The following PRKN variants were observed in gnomAD, a reference collection of about 807,000 sequenced individuals.
PRKN encodes parkin RBR E3 ubiquitin protein ligase, also known as E3 ubiquitin-protein ligase parkin.
PRKN carries 56 observed loss-of-function variants against 59.5 expected under a neutral mutation model. That is an observed-to-expected ratio of 0.94 (90% CI 0.76 to 1.18). The LOEUF is 1.18. PRKN is among the 50% of genes most tolerant of loss of function. The pLI, the probability that PRKN is intolerant of heterozygous loss-of-function variation, is 0.00. For missense variants in PRKN, 657 were observed against 596.4 expected, an observed-to-expected ratio of 1.10 and a Z score of -1.06; for synonymous variants, 250 against 222.1, an observed-to-expected ratio of 1.13 and a Z score of -1.12.
chr6:162,574,240 G>A (rs1427532071), intron 1 of PRKN, among the ~76,000 whole-genome samples: 3 of 152,068 alleles, frequency 2.0e-5, no homozygotes, highest in Non-Finnish European at 4.4e-5. Context: ...AGATGCTAGC[G>A]TACAGTTAGA....
At chr6:162,692,348 C>A (rs1777807150) in intron 1 of PRKN, among the ~76,000 whole-genome samples, 1 of 152,104 alleles carries the variant, frequency 6.6e-6, no homozygotes, top group South Asian at 2.1e-4. Flanking sequence ...GGGATATAAC[C>A]TCTAAGTGCT....
chr6:162,696,235 A>G (rs1777961418), intron 1 of PRKN, among the ~76,000 whole-genome samples: 1 of 152,188 alleles, frequency 6.6e-6, no homozygotes, highest in African/African-American at 2.4e-5. Context: ...ATATAATTAG[A>G]ATGCTATATC....
At chr6:161,793,831 T>C (rs1334692255) in intron 6 of PRKN, among the ~76,000 whole-genome samples, 1 of 152,230 alleles carries the variant, frequency 6.6e-6, no homozygotes, top group Non-Finnish European at 1.5e-5. Context: ...ATATTGTAAA[T>C]ATGTTACAAA....
chr6:162,162,107 G>C (rs1373783412), intron 4 of PRKN, among the ~76,000 whole-genome samples: 1 of 152,082 alleles, frequency 6.6e-6, no homozygotes, highest in Non-Finnish European at 1.5e-5. Flanking sequence ...TTTTGAGACA[G>C]AGTCTCACTC....
chr6:161,567,124 C>G (rs1365573136), intron 8 of PRKN, among the ~76,000 whole-genome samples: 1 of 151,026 alleles, frequency 6.6e-6, no homozygotes, highest in Admixed American at 6.6e-5. Context: ...CTGCAACCTC[C>G]ACCTCCTGGG....
In PRKN at chr6:161,785,912, CAGAG is replaced by C. The variant is rs1371667895; in HGVS notation, c.735-8_735-5del. ...CTGGAAAACCAGGACGGGGCTCCTGCAGAGAGAAAGGAAGATGTTTCCTCTAGTA... is the reference window on the plus strand; with the variant it reads ...CTGGAAAACCAGGACGGGGCTCCTGCAGAAAGGAAGATGTTTCCTCTAGTA... On this transcript the variant is annotated splice_region_variant and splice_polypyrimidine_tract_variant and intron_variant, in intron 6 of 11. Transcript: ENST00000366898. 7.7e-5 allele frequency: 125 copies of C among 1,613,948 alleles called. No homozygotes were observed. Among genetic ancestry groups the C allele is most frequent in the Non-Finnish European group, 1.0e-4 (122 of 1,179,936 alleles).
intron 1 of PRKN, among the ~76,000 whole-genome samples, chr6:162,448,607 G>A (rs1790434447): frequency 6.6e-6 from 1 of 151,986 alleles, no homozygotes; most frequent in Non-Finnish European, 1.5e-5. Context: ...TACAAAAGAG[G>A]ACATACTTTT....
intron 6 of PRKN, among the ~76,000 whole-genome samples, chr6:161,886,244 C>T (rs1032277036): frequency 6.6e-6 from 1 of 152,040 alleles, no homozygotes; most frequent in Admixed American, 6.6e-5. Flanking sequence ...ATGAATTCGA[C>T]GAAATACAGA....
intron 6 of PRKN, among the ~76,000 whole-genome samples, chr6:161,943,985 C>CT (rs112653486): frequency 0.031 from 2,064 of 66,440 alleles, 11 homozygotes; most frequent in African/African-American, 0.043. Context: ...AGGAAGCAGC[C>CT]TGAGGAAGGA....
chr6:162,338,370 C>A (rs1411285149), intron 2 of PRKN, among the ~76,000 whole-genome samples: 1 of 152,120 alleles, frequency 6.6e-6, no homozygotes, highest in African/African-American at 2.4e-5. Context: ...CTGCCTGATT[C>A]TCCTGCCTCA....
intron 1 of PRKN, among the ~76,000 whole-genome samples, chr6:162,575,510 T>C (rs2128209881): frequency 6.6e-6 from 1 of 152,170 alleles, no homozygotes; most frequent in East Asian, 1.9e-4. Flanking sequence ...TGGTCTTTTT[T>C]CATTTAATGC....
chr6:162,103,209 GAAAA>G (rs768546735), intron 4 of PRKN, among the ~76,000 whole-genome samples: 22 of 151,012 alleles, frequency 1.5e-4, no homozygotes, highest in Non-Finnish European at 3.0e-4. Flanking sequence ...AAAAGAAAAA[GAAAA>G]AAAGCTGTTC....
Position 161,489,189 on chromosome 6 carries a change from G to A in PRKN, c.1083+59665C>T, listed in dbSNP as rs1020867125. Among the ~76,000 whole-genome samples the A allele has an allele frequency of 3.3e-5, 5 of 151,274 alleles. No homozygotes were observed. The South Asian group carries it at 8.4e-4, about 25-fold the overall frequency. On this transcript the variant is annotated intron_variant, in intron 9 of 11. Coordinates refer to ENST00000366898, the MANE Select transcript of PRKN (RefSeq NM_004562.3). ...AGAAATTGTTTTATTTATACATTTT[G>A]TATTTTAGTTGCCTTGTCAGTTAAG...
At chr6:162,510,741 G>C (rs920165225) in intron 1 of PRKN, among the ~76,000 whole-genome samples, 2 of 152,126 alleles carry the variant, frequency 1.3e-5, no homozygotes, top group Admixed American at 1.3e-4. Context: ...GTCCAACGTA[G>C]TGAAACCCTG....
At position 162,531,238 on chromosome 6, in the gene PRKN, A is replaced by G. The variant is rs560978851; in HGVS notation, c.8-87765T>C. 3.3e-4 allele frequency among the ~76,000 whole-genome samples: 50 copies of G among 151,440 alleles called. 1 individual carries two copies. Among genetic ancestry groups the G allele is most frequent in the Admixed American group, 7.9e-4 (12 of 15,196 alleles). Reference sequence around the variant, plus strand: ...CTGGGGGTGGTGGTACATGCCTGTAATCCCAGCTACTCGGGAGGCTGAGGC... The same window carrying G: ...CTGGGGGTGGTGGTACATGCCTGTAGTCCCAGCTACTCGGGAGGCTGAGGC... On this transcript the variant is annotated intron_variant, in intron 1 of 11. Coordinates refer to ENST00000366898, the MANE Select transcript of PRKN (RefSeq NM_004562.3).
intron 6 of PRKN, among the ~76,000 whole-genome samples, chr6:161,893,931 C>G (rs1032258712): frequency 2.0e-5 from 3 of 152,150 alleles, no homozygotes; most frequent in Non-Finnish European, 4.4e-5. Context: ...TTTTGGCACA[C>G]GATTTGTCAC....
chr6:161,598,367 A>G (rs894097692), intron 7 of PRKN, among the ~76,000 whole-genome samples: 2 of 152,208 alleles, frequency 1.3e-5, no homozygotes, highest in African/African-American at 4.8e-5. Flanking sequence ...ATGGAACATA[A>G]TTTTGTACAT....
chr6:161,912,746 C>T (rs193124504), intron 6 of PRKN, among the ~76,000 whole-genome samples: 131 of 152,220 alleles, frequency 8.6e-4, no homozygotes, highest in African/African-American at 3.1e-3. Context: ...GCTCCAGACA[C>T]CTAAGCAGAT....
intron 1 of PRKN, among the ~76,000 whole-genome samples, chr6:162,469,271 G>C (rs1313844175): frequency 7.1e-6 from 1 of 140,292 alleles, no homozygotes; most frequent in Non-Finnish European, 1.5e-5. Flanking sequence ...GAGGATCCTT[G>C]CTGCAACAGC....
Sources: allele counts gnomAD v4.1 joint callset (sites outside exome capture counted in the v4.1 genomes callset), GRCh38; gene constraint gnomAD v4.1.1; transcripts MANE v1.5; gene names NCBI Gene and HGNC (gene_info 2026-07-23, HGNC 2026-07-21).